EPHA5: variants seen among roughly 807,000 people sequenced by gnomAD.
EPHA5 encodes the protein EPH receptor A5.
Under a neutral mutation model 105.0 loss-of-function variants are expected in EPHA5, and 60 were observed. That is an observed-to-expected ratio of 0.57 (90% CI 0.46 to 0.71). EPHA5 has a LOEUF of 0.71. Among genes scored for constraint, EPHA5 ranks in the 30% least tolerant of loss-of-function variants. EPHA5 has a pLI of 0.00. For missense variants in EPHA5, 1,218 were observed against 1,274.7 expected (o/e 0.96, Z 0.68); for synonymous variants, 513 against 449.1 (o/e 1.14, Z -1.80).
chr4:65,382,501 T>G (rs1184422063), intron 8 of EPHA5, among the ~76,000 whole-genome samples: 6 of 151,868 alleles, frequency 4.0e-5, no homozygotes, highest in Non-Finnish European at 7.4e-5. Context: ...TTATCAAATA[T>G]TAACCATCTT....
At chr4:65,544,469 T>A (rs1737174901) in intron 3 of EPHA5, among the ~76,000 whole-genome samples, 1 of 151,660 alleles carries the variant, frequency 6.6e-6, no homozygotes, top group Admixed American at 6.6e-5. Context: ...AAGAAACATA[T>A]GAAAAAAAGC....
chr4:65,444,452 A>G (rs1240512404), intron 5 of EPHA5, among the ~76,000 whole-genome samples: 1 of 152,164 alleles, frequency 6.6e-6, no homozygotes, highest in Non-Finnish European at 1.5e-5. Context: ...CATTTATTGA[A>G]TGTTACTATG....
chr4:65,463,811 G>GA (rs1728349029), intron 5 of EPHA5, among the ~76,000 whole-genome samples: 1 of 151,942 alleles, frequency 6.6e-6, no homozygotes, highest in Admixed American at 6.5e-5. Context: ...TATTTTGCCA[G>GA]AAAATGAATG....
At chr4:65,548,772 T>C (rs2149335629) in intron 3 of EPHA5, among the ~76,000 whole-genome samples, 1 of 152,222 alleles carries the variant, frequency 6.6e-6, no homozygotes, top group Non-Finnish European at 1.5e-5. Flanking sequence ...TCTGCCTCAG[T>C]ATAACAAAGG....
chr4:65,417,578 T>G (rs916315570), intron 6 of EPHA5, among the ~76,000 whole-genome samples: 1 of 152,260 alleles, frequency 6.6e-6, no homozygotes, highest in African/African-American at 2.4e-5. Context: ...GGCAACTTAT[T>G]ATTAATTTAT....
At chr4:65,326,788 A>G (rs192432952) in intron 16 of EPHA5, among the ~76,000 whole-genome samples, 32 of 151,446 alleles carry the variant, frequency 2.1e-4, no homozygotes, top group Non-Finnish European at 3.7e-4. Context: ...GTAATAATAT[A>G]TATGCTTAAA....
At chr4:65,569,991 A>G (rs1294156455) in intron 3 of EPHA5, among the ~76,000 whole-genome samples, 1 of 151,756 alleles carries the variant, frequency 6.6e-6, no homozygotes, top group African/African-American at 2.4e-5. Context: ...GCAACAACAT[A>G]TTTACTAAAT....
At chr4:65,474,088 T>G (rs1729559065) in intron 5 of EPHA5, among the ~76,000 whole-genome samples, 1 of 151,782 alleles carries the variant, frequency 6.6e-6, no homozygotes, top group Non-Finnish European at 1.5e-5. Flanking sequence ...AGTTAATGGG[T>G]GCAGCACACC....
rs113060877 is a variant in EPHA5, at chr4:65,505,070, G to A, written c.911-9527C>T. Among the ~76,000 whole-genome samples the A allele has an allele frequency of 2.2e-3, 330 of 152,080 alleles. 1 individual carries two copies. The highest frequency in any genetic ancestry group is 7.6e-3 in the African/African-American group (317 of 41,534). On this transcript the variant is annotated intron_variant, in intron 3 of 16. Transcript: ENST00000613740. ...CTTGTCTATGTGCAAAACATTTTAA[G>A]TATTTGGTTACATATTTCCCACTTC...
intron 7 of EPHA5, among the ~76,000 whole-genome samples, chr4:65,413,051 C>T (rs912261897): frequency 6.6e-6 from 1 of 152,040 alleles, no homozygotes; most frequent in Non-Finnish European, 1.5e-5. Context: ...AGATGGCTAA[C>T]TTATATAGCA....
At chr4:65,643,463 A>G in intron 1 of EPHA5, 36 bp from the exon 2 acceptor site, 1 of 1,536,556 alleles carries the variant, frequency 6.5e-7, no homozygotes, top group African/African-American at 1.4e-5. Context: ...AGTGAAATGT[A>G]TATTATCATG....
In EPHA5 at chr4:65,506,512, T is replaced by G. The variant is rs575741081; in HGVS notation, c.911-10969A>C. The stretch of plus-strand genomic sequence containing the variant: ...TTCTCCGCATCCTCTCCAGCACCTG[T>G]TGTTTCCTGACTTTTTAATGATCGC... On this transcript the variant is annotated intron_variant, in intron 3 of 16. Coordinates refer to ENST00000613740, the MANE Select transcript of EPHA5 (RefSeq NM_001281766.3). Among the ~76,000 whole-genome samples the G allele has an allele frequency of 6.4e-3, 937 of 145,426 alleles. 118 individuals are homozygous for G. Among genetic ancestry groups the G allele is most frequent in the Non-Finnish European group, 0.01 (665 of 65,852 alleles).
intron 3 of EPHA5, among the ~76,000 whole-genome samples, chr4:65,520,968 G>A (rs967310289): frequency 3.9e-5 from 6 of 152,088 alleles, no homozygotes; most frequent in Non-Finnish European, 8.8e-5. Flanking sequence ...ACAGTTTGGC[G>A]ATTCCTCAAG....
At chr4:65,504,686 C>G (rs1427432609) in intron 3 of EPHA5, among the ~76,000 whole-genome samples, 3 of 151,872 alleles carry the variant, frequency 2.0e-5, no homozygotes, top group Non-Finnish European at 4.4e-5. Flanking sequence ...TGAACTGACA[C>G]ATGGCTTTTT....
At chr4:65,546,457 C>A (rs1406733294) in intron 3 of EPHA5, among the ~76,000 whole-genome samples, 2 of 151,946 alleles carry the variant, frequency 1.3e-5, no homozygotes, top group Non-Finnish European at 2.9e-5. Context: ...ATTGGAAATA[C>A]TTTTTTTCTT....
intron 1 of EPHA5, among the ~76,000 whole-genome samples, chr4:65,656,953 G>T (rs1328524913): frequency 1.4e-5 from 2 of 143,760 alleles, no homozygotes; most frequent in Admixed American, 6.9e-5. Flanking sequence ...ACGTGTGTGT[G>T]TTTTTTTTTT....
intron 2 of EPHA5, among the ~76,000 whole-genome samples, chr4:65,625,929 C>T (rs1746106418): frequency 6.6e-6 from 1 of 151,952 alleles, no homozygotes; most frequent in Admixed American, 6.6e-5. Context: ...GAAACCCCGT[C>T]TCTACTAAAA....
intron 8 of EPHA5, among the ~76,000 whole-genome samples, chr4:65,386,985 G>A (rs894427615): frequency 9.9e-5 from 15 of 151,888 alleles, no homozygotes; most frequent in Admixed American, 2.0e-4. Context: ...ATAGGAAAGT[G>A]AAGAAGCAAG....
intron 5 of EPHA5, among the ~76,000 whole-genome samples, chr4:65,475,162 T>C (rs1729669543): frequency 6.6e-6 from 1 of 152,190 alleles, no homozygotes; most frequent in African/African-American, 2.4e-5. Context: ...TTCTGTTTTA[T>C]TTTATTAGCC....
Sources: allele counts gnomAD v4.1 joint callset (sites outside exome capture counted in the v4.1 genomes callset), GRCh38; gene constraint gnomAD v4.1.1; transcripts MANE v1.5; gene names NCBI Gene and HGNC (gene_info 2026-07-23, HGNC 2026-07-21).